Variants in AFF3 observed in about 807,000 individuals in gnomAD.
The protein encoded by AFF3 is ALF transcription elongation factor 3, also known as AF4/FMR2 family member 3.
A neutral mutation model predicts 129.7 loss-of-function variants in AFF3; 32 were observed. The ratio of observed to expected loss-of-function variants is 0.25; its 90% CI spans 0.19 to 0.33. The LOEUF is 0.33. Ranked by LOEUF, AFF3 falls within the 10% of genes least tolerant of loss-of-function variation. The pLI is 1.00. For missense variants in AFF3, 1,373 were observed against 1,592.0 expected (o/e 0.86, Z 2.34); for synonymous variants, 644 against 635.4 (o/e 1.01, Z -0.20).
At chr2:100,009,157 A>G (rs1682271771) in intron 4 of AFF3, among the ~76,000 whole-genome samples, 2 of 152,218 alleles carry the variant, frequency 1.3e-5, no homozygotes, top group Non-Finnish European at 2.9e-5. Flanking sequence ...AACCAGTACT[A>G]GGTTTCTCTT....
At chr2:99,947,199 G>GA (rs1266318488) in intron 7 of AFF3, among the ~76,000 whole-genome samples, 2 of 152,168 alleles carry the variant, frequency 1.3e-5, no homozygotes, top group Non-Finnish European at 2.9e-5. Context: ...CTAGCACTTT[G>GA]GGAGGCTGTG....
rs148675266 is a variant in AFF3 at position 99,589,918 on chromosome 2, G to A, written c.2467-2640C>T. 5.4e-3 allele frequency among the ~76,000 whole-genome samples: 816 copies of A among 152,362 alleles called. 4 individuals carry two copies. Among genetic ancestry groups the A allele is most frequent in the South Asian group, 0.011 (51 of 4,832 alleles). ...CTTTCACAGTCTCTGTCATGGAGGT[G>A]TCTACAGTATTTGCTATACACACTG... On this transcript the variant is annotated intron_variant, in intron 15 of 24. Coordinates refer to ENST00000672756, the MANE Select transcript of AFF3 (RefSeq NM_001386135.1).
At chr2:99,857,461 C>T (rs78068245) in intron 7 of AFF3, among the ~76,000 whole-genome samples, 3,766 of 152,276 alleles carry the variant, frequency 0.025, 86 homozygotes, top group Non-Finnish European at 0.036. Flanking sequence ...AACTACAGGG[C>T]TGTTTATTTC....
At chr2:100,036,144 A>AC (rs2105000953) in intron 4 of AFF3, among the ~76,000 whole-genome samples, 1 of 149,754 alleles carries the variant, frequency 6.7e-6, no homozygotes, top group Admixed American at 6.6e-5. Context: ...TAAAAAAAAA[A>AC]AAAAAAAAAA....
At chr2:99,612,305 A>G (rs1168471750) in intron 13 of AFF3, among the ~76,000 whole-genome samples, 6 of 152,238 alleles carry the variant, frequency 3.9e-5, no homozygotes, top group African/African-American at 1.4e-4. Context: ...CTGACGAATG[A>G]AACAATTACA....
chr2:100,058,327 T>C (rs1686972144), intron 4 of AFF3, among the ~76,000 whole-genome samples: 2 of 152,194 alleles, frequency 1.3e-5, no homozygotes, highest in Admixed American at 6.6e-5. Flanking sequence ...AGACATACCA[T>C]GCTACGTGTA....
At chr2:99,843,045 C>T (rs1376429418) in intron 7 of AFF3, among the ~76,000 whole-genome samples, 1 of 152,224 alleles carries the variant, frequency 6.6e-6, no homozygotes, top group African/African-American at 2.4e-5. Context: ...ATCCCATGTA[C>T]ACTCTTAAAC....
chr2:99,964,712 T>C (rs952225248), intron 7 of AFF3, among the ~76,000 whole-genome samples: 32 of 152,130 alleles, frequency 2.1e-4, no homozygotes, highest in Non-Finnish European at 8.8e-5. Flanking sequence ...GCAAATTAAA[T>C]CTAGCAATGT....
intron 7 of AFF3, among the ~76,000 whole-genome samples, chr2:99,986,464 C>T (rs556195458): frequency 6.6e-6 from 1 of 152,110 alleles, no homozygotes; most frequent in East Asian, 1.9e-4. Flanking sequence ...GCTTAAGTAG[C>T]ACAATGTTCT....
chr2:99,649,634 G>T lies in AFF3; in HGVS notation c.1176C>A (p.Leu392=), dbSNP rs934056561. The change falls in exon 13 of 25, where the codon CTC becomes CTA. Residue 392 remains leucine (L), a synonymous_variant. Transcript: ENST00000672756. ...QAAQRTALRA[L]SDSAVVQQPN... The stretch of plus-strand genomic sequence containing the variant: ...AAAATGACAAAATGTACCTGTCAGA[G>T]AGAGCGCGGAGAGCCGTTCTCTGAG... The T allele has an allele frequency of 6.2e-7, 1 of 1,614,134 alleles. No individual in the cohort carries two copies. The highest frequency in any genetic ancestry group is 8.5e-7 in the Non-Finnish European group (1 of 1,179,998).
intron 4 of AFF3, among the ~76,000 whole-genome samples, chr2:100,012,790 A>G (rs1682668577): frequency 1.3e-5 from 2 of 152,198 alleles, no homozygotes; most frequent in African/African-American, 2.4e-5. Flanking sequence ...GAGAATTCCA[A>G]TTCCCGGCAT....
chr2:99,941,964 C>A (rs978470182), intron 7 of AFF3, among the ~76,000 whole-genome samples: 1 of 152,208 alleles, frequency 6.6e-6, no homozygotes, highest in Non-Finnish European at 1.5e-5. Context: ...CATTCACAGA[C>A]AACTGCAATT....
In AFF3 at chr2:99,606,915, CAAAAAAAAAA is replaced by C. The variant is rs10680840; in HGVS notation, c.1185-5304_1185-5295del. 2.4e-3 allele frequency among the ~76,000 whole-genome samples: 152 copies of C among 62,200 alleles called. 1 individual carries two copies. Among genetic ancestry groups the C allele is most frequent in the Non-Finnish European group, 3.5e-3 (124 of 35,280 alleles). The allele number at this position is 62,200 out of a possible 152,430, so 40.8% of individuals were successfully genotyped here. ...GGCGACAGAGCAAGACTCCGTCTCACAAAAAAAAAAAAAAAAAAAAAAAAGAGTACTTCAG... is the reference window on the plus strand; with the variant it reads ...GGCGACAGAGCAAGACTCCGTCTCACAAAAAAAAAAAAAAGAGTACTTCAG... On this transcript the variant is annotated intron_variant, in intron 13 of 24. Coordinates refer to ENST00000672756, the MANE Select transcript of AFF3 (RefSeq NM_001386135.1).
intron 11 of AFF3, among the ~76,000 whole-genome samples, chr2:99,702,852 C>A (rs1273765382): frequency 6.6e-6 from 1 of 152,124 alleles, no homozygotes; most frequent in Non-Finnish European, 1.5e-5. Flanking sequence ...TTCTCCCAGG[C>A]CATAATTTCT....
intron 11 of AFF3, among the ~76,000 whole-genome samples, chr2:99,682,559 A>C (rs1162425905): frequency 6.6e-6 from 1 of 152,164 alleles, no homozygotes; most frequent in Non-Finnish European, 1.5e-5. Flanking sequence ...GGAAACAGAA[A>C]ATTTTATGAA....
intron 7 of AFF3, among the ~76,000 whole-genome samples, chr2:99,952,445 A>T (rs1676255630): frequency 6.6e-6 from 1 of 152,054 alleles, no homozygotes; most frequent in African/African-American, 2.4e-5. Flanking sequence ...GCAATGCGAA[A>T]ATGGACTAAT....
In AFF3 at chr2:99,753,996, C is replaced by A. The variant is rs936037745; in HGVS notation, c.922-1695G>T. ...TTGTCCATGGAGTCAAGGAACTATT[C>A]GTCATTCTCAGAGTTGGGCCACCTT... On this transcript the variant is annotated intron_variant, in intron 8 of 24. Transcript: ENST00000672756. 2.6e-5 allele frequency among the ~76,000 whole-genome samples: 4 copies of A among 152,202 alleles called. 1 individual carries two copies. In the South Asian group the frequency reaches 8.3e-4, roughly 32 times the overall value.
At chr2:99,829,651 G>A (rs1688365236) in intron 8 of AFF3, among the ~76,000 whole-genome samples, 1 of 152,218 alleles carries the variant, frequency 6.6e-6, no homozygotes, top group Admixed American at 6.5e-5. Flanking sequence ...CAAGGCTGTG[G>A]AGAAAGAGGA....
At chr2:99,827,077 G>A (rs1436728325) in intron 8 of AFF3, among the ~76,000 whole-genome samples, 8 of 152,170 alleles carry the variant, frequency 5.3e-5, no homozygotes, top group African/African-American at 1.4e-4. Flanking sequence ...AGGAAAAGCC[G>A]GCAGAGGTGT....
Sources: gnomAD v4.1 joint callset for allele counts (sites outside exome capture counted in the v4.1 genomes callset) on GRCh38, gnomAD v4.1.1 for gene constraint, MANE v1.5 for transcripts, NCBI Gene and HGNC (gene_info 2026-07-23, HGNC 2026-07-21) for gene names.